Variants in TSPAN18 observed in about 807,000 individuals in gnomAD.
TSPAN18 encodes the protein tetraspanin 18.
Under a neutral mutation model 27.3 loss-of-function variants are expected in TSPAN18, and 14 were observed. The observed-to-expected ratio is 0.51, with a 90% confidence interval of 0.34 to 0.80. The LOEUF (loss-of-function observed/expected upper bound fraction) is 0.80, where lower values mean the gene tolerates loss of function less well. Among genes scored for constraint, TSPAN18 ranks in the 30% least tolerant of loss-of-function variants. The pLI is 0.01. For missense variants in TSPAN18, 268 were observed against 323.9 expected (o/e 0.83, Z 1.32); for synonymous variants, 143 against 136.5 (o/e 1.05, Z -0.33).
intron 3 of TSPAN18, among the ~76,000 whole-genome samples, chr11:44,864,146 G>A (rs1050369898): frequency 1.6e-4 from 24 of 152,080 alleles, no homozygotes; most frequent in Admixed American, 9.2e-4. Flanking sequence ...AATTAGCCGG[G>A]TGTGGTGGCA....
At chr11:44,855,622 A>G (rs1018120027) in intron 2 of TSPAN18, among the ~76,000 whole-genome samples, 1 of 152,122 alleles carries the variant, frequency 6.6e-6, no homozygotes, top group Non-Finnish European at 1.5e-5. Flanking sequence ...TGGGATGCAA[A>G]CACAAGTCTG....
At chr11:44,813,467 G>A (rs1856761347) in intron 2 of TSPAN18, among the ~76,000 whole-genome samples, 1 of 152,212 alleles carries the variant, frequency 6.6e-6, no homozygotes, top group Admixed American at 6.5e-5. Context: ...AGCACACGGT[G>A]GTTATGAGCA....
intron 2 of TSPAN18, among the ~76,000 whole-genome samples, chr11:44,805,884 C>A (rs950144162): frequency 2.0e-5 from 3 of 152,114 alleles, no homozygotes; most frequent in African/African-American, 7.2e-5. Flanking sequence ...CTCTCTGCCT[C>A]CTCTCCTCTT....
rs1860559606 is a variant in TSPAN18, at chr11:44,931,455, A to G, written c.*2277A>G. ...AGAAGTCAGAGGGAGGACCCAAGAG[A>G]AAGGGCTGGTCATGAAGGGAAATCT... On this transcript the variant is annotated 3_prime_UTR_variant, in exon 10 of 10. Coordinates refer to ENST00000520358, the MANE Select transcript of TSPAN18 (RefSeq NM_130783.5). 6.5e-6 allele frequency: 1 copy of G among 154,800 alleles called. No homozygotes were observed. Among genetic ancestry groups the G allele is most frequent in the Non-Finnish European group, 1.4e-5 (1 of 69,818 alleles). The allele number at this position is 154,800 out of a possible 1,614,324, so 9.6% of individuals were successfully genotyped here. A position where few individuals can be genotyped will look rare whatever the true frequency, so the allele number is the denominator to read the frequency against.
intron 2 of TSPAN18, among the ~76,000 whole-genome samples, chr11:44,769,042 A>G (rs1172793221): frequency 2.0e-5 from 3 of 151,902 alleles, no homozygotes; most frequent in Non-Finnish European, 2.9e-5. Context: ...TTACAGGCGC[A>G]TGCTACCATG....
intron 3 of TSPAN18, chr11:44,897,718 T>A (rs1458618781): frequency 7.9e-7 from 1 of 1,258,324 alleles, no homozygotes; most frequent in East Asian, 5.6e-5. Flanking sequence ...ATTGACTTCC[T>A]GTAGTAATTG....
chr11:44,868,221 C>T (rs1232753375), intron 3 of TSPAN18, among the ~76,000 whole-genome samples: 1 of 151,118 alleles, frequency 6.6e-6, no homozygotes, highest in Non-Finnish European at 1.5e-5. Context: ...TCTGCCGTCA[C>T]TCTCTGTCTG....
intron 1 of TSPAN18, among the ~76,000 whole-genome samples, chr11:44,735,572 T>A (rs1854771427): frequency 6.6e-6 from 1 of 151,874 alleles, no homozygotes; most frequent in Non-Finnish European, 1.5e-5. Flanking sequence ...CTCCTCTTCT[T>A]ATAGGGACAC....
chr11:44,848,847 T>TC (rs1318618696), intron 2 of TSPAN18, among the ~76,000 whole-genome samples: 3 of 151,890 alleles, frequency 2.0e-5, no homozygotes, highest in Non-Finnish European at 4.4e-5. Context: ...ACCGTGGGGC[T>TC]CCCCCCACCC....
chr11:44,740,438 C>T (rs545193903), intron 1 of TSPAN18, among the ~76,000 whole-genome samples: 30 of 152,304 alleles, frequency 2.0e-4, no homozygotes, highest in African/African-American at 6.5e-4. Flanking sequence ...CCTGTGTGTC[C>T]TGTGAGAGGG....
intron 3 of TSPAN18, among the ~76,000 whole-genome samples, chr11:44,875,030 C>T (rs896296110): frequency 2.0e-5 from 3 of 152,214 alleles, no homozygotes; most frequent in East Asian, 1.9e-4. Flanking sequence ...CCTGCTCCCC[C>T]GTAGTTACAT....
intron 5 of TSPAN18, among the ~76,000 whole-genome samples, chr11:44,911,150 C>T (rs1343539295): frequency 6.6e-6 from 1 of 152,158 alleles, no homozygotes; most frequent in African/African-American, 2.4e-5. Context: ...TAAAAACAGC[C>T]CTGTTTAGAG....
chr11:44,754,263 T>C (rs980501315), intron 1 of TSPAN18, among the ~76,000 whole-genome samples: 4 of 152,290 alleles, frequency 2.6e-5, no homozygotes, highest in South Asian at 2.1e-4. Flanking sequence ...GGTTATAAAG[T>C]CTGAATTAAT....
intron 2 of TSPAN18, among the ~76,000 whole-genome samples, chr11:44,825,670 G>T (rs1043600065): frequency 1.3e-5 from 2 of 152,204 alleles, no homozygotes; most frequent in Admixed American, 1.3e-4. Flanking sequence ...AGGTTTCAGG[G>T]ATGTTGCCGT....
intron 1 of TSPAN18, among the ~76,000 whole-genome samples, chr11:44,757,480 C>T (rs1278642338): frequency 1.3e-5 from 2 of 152,132 alleles, no homozygotes; most frequent in East Asian, 3.9e-4. Context: ...TTCTCTCATA[C>T]TTAAGTGATC....
At chr11:44,840,102 C>T (rs1199107909) in intron 2 of TSPAN18, among the ~76,000 whole-genome samples, 3 of 152,196 alleles carry the variant, frequency 2.0e-5, no homozygotes, top group African/African-American at 4.8e-5. Context: ...AAGTCCTCCA[C>T]AGAGAGAAAA....
intron 2 of TSPAN18, among the ~76,000 whole-genome samples, chr11:44,807,295 G>A (rs1311901780): frequency 6.7e-6 from 1 of 148,372 alleles, no homozygotes; most frequent in Non-Finnish European, 1.5e-5. Context: ...TTGGGAGCCC[G>A]AGGTGAGTAG....
At chr11:44,897,741 T>C in intron 3 of TSPAN18, 1 of 1,285,042 alleles carries the variant, frequency 7.8e-7, no homozygotes, top group Non-Finnish European at 1.0e-6. Flanking sequence ...TATTTTCTCT[T>C]ATTGGACAAG....
At chr11:44,784,829 T>A (rs1308174803) in intron 2 of TSPAN18, among the ~76,000 whole-genome samples, 1 of 152,234 alleles carries the variant, frequency 6.6e-6, no homozygotes, top group East Asian at 1.9e-4. Flanking sequence ...TTAAATGGCT[T>A]GTTCAGGGTC....
Sources: allele counts gnomAD v4.1 joint callset (sites outside exome capture counted in the v4.1 genomes callset), GRCh38; gene constraint gnomAD v4.1.1; transcripts MANE v1.5; gene names NCBI Gene and HGNC (gene_info 2026-07-23, HGNC 2026-07-21).